GABPA: variants seen among roughly 807,000 people sequenced by gnomAD.
GABPA encodes GA-binding protein alpha chain.
In GABPA, 4 loss-of-function variants were observed where a neutral mutation model predicts 59.4. That is an observed-to-expected ratio of 0.07 (90% CI 0.03 to 0.15). The LOEUF (loss-of-function observed/expected upper bound fraction) is 0.15. GABPA is among the 10% of genes least tolerant of loss of function. The pLI, the probability that GABPA is intolerant of heterozygous loss-of-function variation, is 1.00. For missense variants in GABPA, 251 were observed against 543.8 expected, an observed-to-expected ratio of 0.46 and a Z score of 5.36; for synonymous variants, 164 against 183.1, an observed-to-expected ratio of 0.90 and a Z score of 0.84.
At chr21:25,766,591 G>A (rs2035895767) in intron 9 of GABPA, among the ~76,000 whole-genome samples, 1 of 151,844 alleles carries the variant, frequency 6.6e-6, no homozygotes, top group Admixed American at 6.6e-5. Context: ...TATATGCAAA[G>A]GTGTACGGCC....
At chr21:25,743,980 G>T (rs1198361464) in intron 2 of GABPA, among the ~76,000 whole-genome samples, 2 of 143,374 alleles carry the variant, frequency 1.4e-5, no homozygotes, top group Non-Finnish European at 3.0e-5. Context: ...GGAGGCGGAG[G>T]TTGTAGTGAG....
chr21:25,769,941 A>G lies in GABPA; in HGVS notation c.*709A>G, dbSNP rs2035976471. On this transcript the variant is annotated 3_prime_UTR_variant, in exon 10 of 10. Coordinates refer to ENST00000400075, the MANE Select transcript of GABPA (RefSeq NM_002040.4). ...CAGACCAAGAATTTAAATTATTTTG[A>G]GAGAGGCATTTAATTCTAATAAACC... The G allele has an allele frequency of 6.6e-6, 1 of 152,622 alleles. No individual in the cohort carries two copies. The allele number at this position is 152,622 out of a possible 1,614,324, so 9.5% of individuals were successfully genotyped here.
chr21:25,763,037 C>G, intron 7 of GABPA: 1 of 356,870 alleles, frequency 2.8e-6, no homozygotes, highest in Non-Finnish European at 5.4e-6. Flanking sequence ...ACCTTTGATT[C>G]ATCTATATTG....
At chr21:25,754,911 C>T (rs1219603502) in intron 5 of GABPA, among the ~76,000 whole-genome samples, 3 of 151,628 alleles carry the variant, frequency 2.0e-5, no homozygotes, top group African/African-American at 4.8e-5. Context: ...ATTAGCTGGG[C>T]GTGGTGGTAC....
rs1338942128 is a variant in GABPA, at chr21:25,772,433, A to G, written c.*3201A>G. ...GTGCATAAAATGTAAAAATAGTAAA[A>G]TGAGAAAAATAAAACTATTATACAG... On this transcript the variant is annotated 3_prime_UTR_variant, in exon 10 of 10. Coordinates refer to ENST00000400075, the MANE Select transcript of GABPA (RefSeq NM_002040.4). 7 of 152,180 alleles carry G rather than the reference A, an allele frequency of 4.6e-5. No individual in the cohort carries two copies. Among genetic ancestry groups the G allele is most frequent in the Non-Finnish European group, 1.0e-4 (7 of 67,984 alleles). 9.4% of individuals were successfully genotyped at this position (152,180 alleles called of 1,614,324 possible). A position where few individuals can be genotyped will look rare whatever the true frequency, so the allele number is the denominator to read the frequency against.
intron 3 of GABPA, among the ~76,000 whole-genome samples, chr21:25,747,204 C>T (rs2035389707): frequency 6.6e-6 from 1 of 152,180 alleles, no homozygotes; most frequent in Non-Finnish European, 1.5e-5. Flanking sequence ...AAACAAAAAA[C>T]TTTTTTAAAG....
rs1430394551 is a variant in GABPA, at chr21:25,735,251, A to G, written c.-354A>G. Reference sequence around the variant, plus strand: ...GTTCGTTAGGGTTATCGAAGTGTATAAAGGTGCAGGGAAAGTGAGACTGTG... The same window carrying G: ...GTTCGTTAGGGTTATCGAAGTGTATGAAGGTGCAGGGAAAGTGAGACTGTG... On this transcript the variant is annotated 5_prime_UTR_variant, in exon 1 of 10. The change creates a new upstream start codon in the 5' untranslated region. Transcript: ENST00000400075. The G allele has an allele frequency of 5.5e-6, 3 of 543,096 alleles. No individual in the cohort carries two copies. Among genetic ancestry groups the G allele is most frequent in the Non-Finnish European group, 1.0e-5 (3 of 300,028 alleles). 33.6% of individuals were successfully genotyped at this position (543,096 alleles called of 1,614,324 possible).
chr21:25,769,309 A>G lies in GABPA; in HGVS notation c.*77A>G. 1 of 658,692 alleles carries G rather than the reference A, an allele frequency of 1.5e-6. No individual in the cohort carries two copies. Among genetic ancestry groups the G allele is most frequent in the South Asian group, 1.8e-5 (1 of 54,442 alleles). 40.8% of individuals were successfully genotyped at this position (658,692 alleles called of 1,614,324 possible). A position where few individuals can be genotyped will look rare whatever the true frequency, so the allele number is the denominator to read the frequency against. ...GTATAGCTCTTACCTTTATTACTGAATTTGAATCTTCTTTTATTTCTAGGC... is the reference window on the plus strand; with the variant it reads ...GTATAGCTCTTACCTTTATTACTGAGTTTGAATCTTCTTTTATTTCTAGGC... On this transcript the variant is annotated 3_prime_UTR_variant, in exon 10 of 10. Coordinates refer to ENST00000400075, the MANE Select transcript of GABPA (RefSeq NM_002040.4).
At chr21:25,736,434 C>CT (rs2035063834) in intron 1 of GABPA, among the ~76,000 whole-genome samples, 1 of 152,180 alleles carries the variant, frequency 6.6e-6, no homozygotes, top group Non-Finnish European at 1.5e-5. Flanking sequence ...CCGCTCAACT[C>CT]TTTAGCAACT....
At chr21:25,752,573 C>T (rs1442478733) in intron 5 of GABPA, among the ~76,000 whole-genome samples, 1 of 152,108 alleles carries the variant, frequency 6.6e-6, no homozygotes, top group Non-Finnish European at 1.5e-5. Flanking sequence ...CTATTGGAAT[C>T]TCAAAGAGAT....
chr21:25,748,932 G>A, intron 3 of GABPA, 104 bp from the exon 4 acceptor site: 1 of 716,198 alleles, frequency 1.4e-6, no homozygotes, highest in Non-Finnish European at 2.5e-6. Flanking sequence ...AGTATGTTCA[G>A]TAATTAAGTT....
chr21:25,757,395 G>A (rs1601137712), intron 5 of GABPA, among the ~76,000 whole-genome samples: 1 of 152,280 alleles, frequency 6.6e-6, no homozygotes, highest in African/African-American at 2.4e-5. Flanking sequence ...GTATGAGCAA[G>A]GCACTGTTAG....
chr21:25,737,423 A>C lies in GABPA; in HGVS notation c.-27+1845A>C, dbSNP rs149489295. ...AGAACCAGGAGAGAAAGAAAGATTTAAGAGACTGAGTAATATTTTTTGACA... is the reference window on the plus strand; with the variant it reads ...AGAACCAGGAGAGAAAGAAAGATTTCAGAGACTGAGTAATATTTTTTGACA... On this transcript the variant is annotated intron_variant, in intron 1 of 9. Transcript: ENST00000400075. Among the ~76,000 whole-genome samples the C allele has an allele frequency of 1.9e-3, 289 of 152,364 alleles. 4 individuals are homozygous for C. The highest frequency in any genetic ancestry group is 0.017 in the Admixed American group (265 of 15,304).
chr21:25,743,108 C>T (rs575790244), intron 2 of GABPA, among the ~76,000 whole-genome samples: 26 of 152,274 alleles, frequency 1.7e-4, no homozygotes, highest in African/African-American at 6.3e-4. Context: ...CGTCCAAAGT[C>T]ATGCTTGAGA....
chr21:25,753,635 C>A lies in GABPA; in HGVS notation c.553+1401C>A, dbSNP rs573860748. ...TAAATTTGATGATCAGAGGATTATT[C>A]TTAAATTTAGACAGAAGTAACTAGA... On this transcript the variant is annotated intron_variant, in intron 5 of 9. Coordinates refer to ENST00000400075, the MANE Select transcript of GABPA (RefSeq NM_002040.4). 4.0e-4 allele frequency among the ~76,000 whole-genome samples: 61 copies of A among 152,150 alleles called. No individual in the cohort carries two copies. In the South Asian group the frequency reaches 0.012, roughly 29 times the overall value.
At chr21:25,760,850 C>G (rs549948564) in intron 6 of GABPA, among the ~76,000 whole-genome samples, 4 of 151,494 alleles carry the variant, frequency 2.6e-5, no homozygotes, top group African/African-American at 9.7e-5. Flanking sequence ...GGTCTTGGAC[C>G]AGTCTTTCAA....
intron 4 of GABPA, among the ~76,000 whole-genome samples, chr21:25,750,042 A>T (rs1242573588): frequency 6.6e-6 from 1 of 152,204 alleles, no homozygotes; most frequent in East Asian, 1.9e-4. Flanking sequence ...ATGTAGAATC[A>T]GTGGAAGCCT....
intron 3 of GABPA, among the ~76,000 whole-genome samples, chr21:25,746,771 T>C (rs2035377238): frequency 6.6e-6 from 1 of 152,202 alleles, no homozygotes; most frequent in African/African-American, 2.4e-5. Context: ...CTGTTAATGT[T>C]AAATGTGAAA....
At chr21:25,738,902 CTTA>C (rs1240432294) in intron 1 of GABPA, among the ~76,000 whole-genome samples, 5 of 151,638 alleles carry the variant, frequency 3.3e-5, no homozygotes, top group Non-Finnish European at 7.4e-5. Flanking sequence ...AAAAGGAAGG[CTTA>C]TTAGACCAGC....
Sources: allele counts gnomAD v4.1 joint callset (sites outside exome capture counted in the v4.1 genomes callset), GRCh38; gene constraint gnomAD v4.1.1; transcripts MANE v1.5; gene names NCBI Gene and HGNC (gene_info 2026-07-23, HGNC 2026-07-21).